The following SLC4A10 variants were observed in gnomAD, a reference collection of about 807,000 sequenced individuals.
SLC4A10 encodes the protein solute carrier family 4 member 10, also known as sodium-driven chloride bicarbonate exchanger.
In SLC4A10, 42 loss-of-function variants were observed where a neutral mutation model predicts 137.7. The observed-to-expected ratio is 0.30, with a 90% CI of 0.24 to 0.39. The LOEUF (loss-of-function observed/expected upper bound fraction) is 0.39. SLC4A10 is among the 10% of genes least tolerant of loss of function. SLC4A10 has a pLI of 1.00. For synonymous variants in SLC4A10, 474 were observed against 464.1 expected (o/e 1.02, Z -0.27); for missense variants, 925 against 1,355.0 (o/e 0.68, Z 4.98).
intron 1 of SLC4A10, among the ~76,000 whole-genome samples, chr2:161,723,669 A>C (rs908086391): frequency 4.6e-5 from 7 of 152,222 alleles, no homozygotes; most frequent in Non-Finnish European, 1.0e-4. Flanking sequence ...GGTGGCTCTT[A>C]ATAGTGACTA....
At position 161,882,408 on chromosome 2, in the gene SLC4A10, G is replaced by T. The variant is rs1325144049; in HGVS notation, c.1158G>T (p.Glu386Asp). Residue 386 changes from glutamate to aspartate, a missense_variant, in exon 10 of 27, where the codon GAG becomes GAT. Physicochemically the swap from Glu to Asp is conservative, Grantham distance 45. Around this residue, in one of 11 missense-constraint regions of SLC4A10, gnomAD observed 277 missense variants for 306.1 expected, o/e 0.90. Coordinates refer to ENST00000446997, the MANE Select transcript of SLC4A10 (RefSeq NM_001178015.2). The stretch of plus-strand genomic sequence containing the variant: ...TGGGAAAGGGTCAACAGTACCATGA[G>T]ATTGGCAGATCAATTGCAACCCTAA... ...GPLGKGQQYH[E>D]IGRSIATLMT... 6.2e-7 allele frequency: 1 copy of T among 1,600,918 alleles called. No homozygotes were observed. The highest frequency in any genetic ancestry group is 2.3e-5 in the East Asian group (1 of 44,358).
intron 11 of SLC4A10, among the ~76,000 whole-genome samples, chr2:161,896,364 T>C (rs2063504552): frequency 6.6e-6 from 1 of 152,040 alleles, no homozygotes; most frequent in African/African-American, 2.4e-5. Context: ...TCCAGCTTTG[T>C]TCTTTTGGCT....
chr2:161,879,387 G>A, intron 9 of SLC4A10, 99 bp downstream of exon 9: 4 of 1,267,342 alleles, frequency 3.2e-6, no homozygotes, highest in Non-Finnish European at 3.2e-6. Flanking sequence ...GTTTTGACTA[G>A]AAACTAATGT....
intron 3 of SLC4A10, among the ~76,000 whole-genome samples, chr2:161,836,615 A>C (rs1007427115): frequency 6.7e-6 from 1 of 149,426 alleles, no homozygotes; most frequent in Admixed American, 6.7e-5. Flanking sequence ...GAAGGAAAGA[A>C]ATGAAAGAAA....
intron 1 of SLC4A10, among the ~76,000 whole-genome samples, chr2:161,662,663 G>A (rs1259392225): frequency 6.6e-6 from 1 of 152,112 alleles, no homozygotes; most frequent in Non-Finnish European, 1.5e-5. Context: ...TTCACTCACA[G>A]CAGGATCTTT....
chr2:161,910,130 G>A (rs937631236), intron 15 of SLC4A10, among the ~76,000 whole-genome samples: 3 of 151,972 alleles, frequency 2.0e-5, no homozygotes, highest in African/African-American at 7.2e-5. Flanking sequence ...TCATGTTTAG[G>A]ATCTATATTT....
chr2:161,932,840 A>G (rs1044827947), intron 15 of SLC4A10, among the ~76,000 whole-genome samples: 3 of 152,038 alleles, frequency 2.0e-5, no homozygotes, highest in African/African-American at 7.2e-5. Context: ...AGTTGGAGCT[A>G]CAGTTGCTCT....
chr2:161,763,407 A>G (rs2050453467), intron 1 of SLC4A10, among the ~76,000 whole-genome samples: 1 of 152,122 alleles, frequency 6.6e-6, no homozygotes, highest in South Asian at 2.1e-4. Context: ...AGTTTAATGA[A>G]CGGACTATTT....
At chr2:161,805,388 C>T (rs1178390638) in intron 3 of SLC4A10, among the ~76,000 whole-genome samples, 1 of 152,132 alleles carries the variant, frequency 6.6e-6, no homozygotes, top group East Asian at 1.9e-4. Flanking sequence ...CGTGCCTTCC[C>T]AACAGTCCTC....
chr2:161,906,497 T>A lies in SLC4A10; in HGVS notation c.1997+610T>A, dbSNP rs1186540947. Among the ~76,000 whole-genome samples the A allele has an allele frequency of 4.6e-5, 7 of 152,202 alleles. No individual in the cohort carries two copies. The East Asian group carries it at 1.3e-3, about 29-fold the overall frequency. On this transcript the variant is annotated intron_variant, in intron 15 of 26. Transcript: ENST00000446997. ...TATTGCTTTTTCTAGTTTTGGTGTATCAACAGTCTGAAATGTCTCTAAGGC... is the reference window on the plus strand; with the variant it reads ...TATTGCTTTTTCTAGTTTTGGTGTAACAACAGTCTGAAATGTCTCTAAGGC...
At chr2:161,782,237 C>T (rs2053113801) in intron 2 of SLC4A10, among the ~76,000 whole-genome samples, 1 of 152,062 alleles carries the variant, frequency 6.6e-6, no homozygotes, top group Non-Finnish European at 1.5e-5. Context: ...AGAATTCAGT[C>T]TCACTCATCC....
intron 1 of SLC4A10, among the ~76,000 whole-genome samples, chr2:161,727,071 G>A (rs181590325): frequency 1.6e-3 from 243 of 152,328 alleles, no homozygotes; most frequent in African/African-American, 5.6e-3. Flanking sequence ...ACTGGAGAGG[G>A]TTATTCAAAT....
chr2:161,717,475 A>G (rs2045059531), intron 1 of SLC4A10, among the ~76,000 whole-genome samples: 1 of 152,118 alleles, frequency 6.6e-6, no homozygotes, highest in African/African-American at 2.4e-5. Flanking sequence ...CTTCAAACCT[A>G]GTTTATTTAG....
At chr2:161,890,382 A>G (rs1342897131) in intron 10 of SLC4A10, among the ~76,000 whole-genome samples, 2 of 152,144 alleles carry the variant, frequency 1.3e-5, no homozygotes, top group Non-Finnish European at 2.9e-5. Context: ...TAATATTGAC[A>G]GTAGGGTGTT....
rs1000166900 is a variant in SLC4A10, at chr2:161,958,541, C to G, written c.2848C>G (p.Leu950Val). 1.2e-6 allele frequency: 2 copies of G among 1,610,164 alleles called. No individual in the cohort carries two copies. The highest frequency in any genetic ancestry group is 1.7e-5 in the Admixed American group (1 of 59,532). The change falls in exon 21 of 27, where the codon CTA (leucine) becomes GTA (valine). Residue 950 changes from leucine to valine, a missense_variant. Coordinates refer to ENST00000446997, the MANE Select transcript of SLC4A10 (RefSeq NM_001178015.2). ...GTTTCTTTATATGGGTGCTTCATCT[C>G]TAAAGGGAATTCAGGTAAATTACTT... ...GVFLYMGASS[L>V]KGIQFFDRIK...
intron 1 of SLC4A10, among the ~76,000 whole-genome samples, chr2:161,767,229 TATAC>T (rs71009339): frequency 9.4e-6 from 1 of 106,174 alleles, no homozygotes; most frequent in African/African-American, 4.7e-5. Flanking sequence ...TATATATATA[TATAC>T]ACATATATAT....
intron 1 of SLC4A10, among the ~76,000 whole-genome samples, chr2:161,674,595 A>T (rs1405578007): frequency 2.6e-5 from 4 of 152,204 alleles, no homozygotes; most frequent in African/African-American, 7.2e-5. Flanking sequence ...GTCACCTGAA[A>T]TTATATCACA....
chr2:161,644,664 T>C (rs1448962450), intron 1 of SLC4A10, among the ~76,000 whole-genome samples: 1 of 152,210 alleles, frequency 6.6e-6, no homozygotes, highest in Non-Finnish European at 1.5e-5. Context: ...AGCCAACATT[T>C]TGATGTGCTC....
intron 4 of SLC4A10, among the ~76,000 whole-genome samples, chr2:161,842,711 T>A (rs1215585528): frequency 1.3e-5 from 2 of 152,154 alleles, no homozygotes; most frequent in East Asian, 3.8e-4. Flanking sequence ...ACTTCTACCT[T>A]ACTTTTTGTC....
Sources: gnomAD v4.1 joint callset for allele counts (sites outside exome capture counted in the v4.1 genomes callset) on GRCh38, gnomAD v4.1.1 for gene constraint, gnomAD v4.1.1 regional missense constraint, MANE v1.5 for transcripts, NCBI Gene and HGNC (gene_info 2026-07-23, HGNC 2026-07-21) for gene names.